TENM1: variants seen among roughly 807,000 people sequenced by gnomAD.
The protein encoded by TENM1 is teneurin-1.
A neutral mutation model predicts 174.8 loss-of-function variants in TENM1; 35 were observed. The observed-to-expected ratio is 0.20, with a 90% CI of 0.15 to 0.27. The LOEUF (loss-of-function observed/expected upper bound fraction) is 0.27, where lower values mean the gene tolerates loss of function less well. Among genes scored for constraint, TENM1 ranks in the 10% least tolerant of loss-of-function variants. TENM1 has a pLI of 1.00. For missense variants in TENM1, 1,633 were observed against 2,130.1 expected (o/e 0.77, Z 4.59); for synonymous variants, 781 against 798.7 (o/e 0.98, Z 0.37).
chrX:124,392,620 G>A (rs1202268071), intron 27 of TENM1, among the ~76,000 whole-genome samples: 1 of 112,052 alleles, frequency 8.9e-6, no homozygotes, highest in Non-Finnish European at 1.9e-5. Flanking sequence ...CAAGCCTTAA[G>A]TGCAGTGCCA....
At chrX:124,904,612 C>T (rs986873140) in intron 1 of TENM1, among the ~76,000 whole-genome samples, 6 of 112,422 alleles carry the variant, frequency 5.3e-5, no homozygotes, top group Admixed American at 2.8e-4. Context: ...CAGCAGCCCA[C>T]TGGCTGTGAA....
chrX:125,102,778 C>T, the TENM1 span, among the ~76,000 whole-genome samples: 3 of 112,323 alleles, frequency 2.7e-5, no homozygotes, highest in Admixed American at 9.4e-5. Flanking sequence ...TGAAAAGTTT[C>T]TGTACCTATC....
chrX:125,118,433 A>T, the TENM1 span, among the ~76,000 whole-genome samples: 2 of 112,301 alleles, frequency 1.8e-5, no homozygotes, highest in East Asian at 5.6e-4. Context: ...GTTGATCTTC[A>T]TAAAGATTAA....
chrX:125,113,455 AGACAAGGACT>A, the TENM1 span, among the ~76,000 whole-genome samples: 1 of 111,602 alleles, frequency 9.0e-6, no homozygotes, highest in Non-Finnish European at 1.9e-5. Flanking sequence ...ACCAATTAAA[AGACAAGGACT>A]GGCAAATTGG....
At chrX:124,399,380 T>C (rs17325492) in intron 27 of TENM1, among the ~76,000 whole-genome samples, 16,702 of 111,658 alleles carry the variant, frequency 0.15, 919 homozygotes, top group Middle Eastern at 0.23. Flanking sequence ...GCACCATCCA[T>C]GTCCCTCTTT....
chrX:124,571,531 C>T (rs2049053535), intron 11 of TENM1, among the ~76,000 whole-genome samples: 1 of 110,777 alleles, frequency 9.0e-6, no homozygotes, highest in African/African-American at 3.3e-5. Context: ...AGAAGATCAA[C>T]AAAATCAAAA....
At chrX:125,072,661 ATATG>A in the TENM1 span, among the ~76,000 whole-genome samples, 1 of 111,390 alleles carries the variant, frequency 9.0e-6, no homozygotes, top group Admixed American at 9.6e-5. Flanking sequence ...ACATGTATAC[ATATG>A]TAACAAACCT....
chrX:125,116,246 T>A, the TENM1 span, among the ~76,000 whole-genome samples: 1 of 112,111 alleles, frequency 8.9e-6, no homozygotes, highest in Admixed American at 9.5e-5. Flanking sequence ...TATAGATGGA[T>A]TAAAGACTTA....
chrX:124,678,060 T>C (rs1044988479), intron 5 of TENM1, among the ~76,000 whole-genome samples: 3 of 111,403 alleles, frequency 2.7e-5, no homozygotes, highest in Non-Finnish European at 5.7e-5. Flanking sequence ...CTTATACTGG[T>C]TTACAAAAGC....
intron 3 of TENM1, among the ~76,000 whole-genome samples, chrX:124,789,685 C>T (rs1451764869): frequency 3.6e-5 from 4 of 111,258 alleles, no homozygotes; most frequent in Non-Finnish European, 7.5e-5. Flanking sequence ...TTCCTCATCT[C>T]CATCTGAGAC....
chrX:125,070,462 A>G, the TENM1 span, among the ~76,000 whole-genome samples: 2 of 111,005 alleles, frequency 1.8e-5, no homozygotes, highest in Non-Finnish European at 3.8e-5. Context: ...AATATTTTCT[A>G]CCATTCTGTA....
At chrX:124,642,138 C>G (rs760182260) in intron 10 of TENM1, 147 bp from the exon 14 acceptor site, 13 of 487,761 alleles carry the variant, frequency 2.7e-5, no homozygotes, top group Non-Finnish European at 4.7e-5. Flanking sequence ...ATGACTCATG[C>G]AAACACTCTG....
the TENM1 span, among the ~76,000 whole-genome samples, chrX:124,969,115 A>T: frequency 8.9e-6 from 1 of 112,140 alleles, no homozygotes; most frequent in Non-Finnish European, 1.9e-5. Context: ...GAAAAATCAA[A>T]TATATATAAA....
chrX:124,931,401 A>G (rs1403503286), intron 1 of TENM1, among the ~76,000 whole-genome samples: 1 of 111,285 alleles, frequency 9.0e-6, no homozygotes, highest in Non-Finnish European at 1.9e-5. Context: ...CACCTGGAAA[A>G]GAGAGTTACC....
intron 25 of TENM1, among the ~76,000 whole-genome samples, chrX:124,417,211 CTCTT>C (rs1428751462): frequency 9.0e-6 from 1 of 110,757 alleles, no homozygotes; most frequent in South Asian, 3.9e-4. Flanking sequence ...CTCTTTTCTT[CTCTT>C]TCTTTTTTTT....
At chrX:124,524,137 A>G (rs755548638) in intron 16 of TENM1, among the ~76,000 whole-genome samples, 1 of 110,854 alleles carries the variant, frequency 9.0e-6, no homozygotes, top group Admixed American at 9.6e-5. Context: ...TGGCCTCCCA[A>G]AGTGCTGGGA....
chrX:124,666,740 A>G (rs2051774953), intron 6 of TENM1, among the ~76,000 whole-genome samples: 1 of 111,497 alleles, frequency 9.0e-6, no homozygotes, highest in African/African-American at 3.3e-5. Flanking sequence ...TTGAGATTAG[A>G]ACTGTCTGTT....
chrX:125,123,484 C>T, the TENM1 span, among the ~76,000 whole-genome samples: 631 of 109,843 alleles, frequency 5.7e-3, 11 homozygotes, highest in African/African-American at 0.02. Flanking sequence ...TGGTGTGCAC[C>T]TGTGGTCCCA....
At chrX:124,842,595 G>C (rs1408610575) in intron 3 of TENM1, among the ~76,000 whole-genome samples, 3 of 110,828 alleles carry the variant, frequency 2.7e-5, no homozygotes, top group Non-Finnish European at 5.7e-5. Context: ...TTTTTGTGTG[G>C]GGTCTCTTCT....
Sources: allele counts gnomAD v4.1 joint callset (sites outside exome capture counted in the v4.1 genomes callset), GRCh38; gene constraint gnomAD v4.1.1; transcripts MANE v1.5; gene names NCBI Gene and HGNC (gene_info 2026-07-23, HGNC 2026-07-21).